MOV10: variants seen among roughly 807,000 people sequenced by gnomAD.
MOV10 encodes RNA helicase MOV-10.
Under a neutral mutation model 108.4 loss-of-function variants are expected in MOV10, and 39 were observed. That is an observed-to-expected ratio of 0.36 (90% CI 0.28 to 0.47). The LOEUF (loss-of-function observed/expected upper bound fraction) is 0.47. MOV10 is among the 20% of genes least tolerant of loss of function. MOV10 has a pLI of 1.00. For missense variants in MOV10, 952 were observed against 1,297.6 expected, an observed-to-expected ratio of 0.73 and a Z score of 4.09; for synonymous variants, 490 against 523.1, an observed-to-expected ratio of 0.94 and a Z score of 0.86.
chr1:112,683,950 T>A (rs1458213218), intron 2 of MOV10, among the ~76,000 whole-genome samples: 1 of 152,006 alleles, frequency 6.6e-6, no homozygotes, highest in Non-Finnish European at 1.5e-5. Flanking sequence ...AATTTAAATT[T>A]TATTTTATTT....
intron 14 of MOV10, 22 bp from the exon 15 acceptor site, chr1:112,697,972 T>C (rs372202157): frequency 1.3e-4 from 214 of 1,603,018 alleles, no homozygotes; most frequent in Non-Finnish European, 1.7e-4. Context: ...TTGGTCTTGC[T>C]TTTCCTCCTC....
At chr1:112,686,546 T>C (rs1196070229) in intron 2 of MOV10, among the ~76,000 whole-genome samples, 2 of 152,200 alleles carry the variant, frequency 1.3e-5, no homozygotes, top group Admixed American at 6.5e-5. Context: ...ACTTCCTTGA[T>C]TATAACCACT....
At chr1:112,690,159 C>T in intron 5 of MOV10, 61 bp downstream of exon 5, 1 of 1,576,086 alleles carries the variant, frequency 6.3e-7, no homozygotes. Context: ...TGGGCCAGGG[C>T]TTTGGGAAGA....
In MOV10 at chr1:112,698,078, A is replaced by T. The variant is rs780063037; in HGVS notation, c.2283A>T (p.Glu761Asp). 1 of 1,614,170 alleles carries T rather than the reference A, an allele frequency of 6.2e-7. No homozygotes were observed. Among genetic ancestry groups the T allele is most frequent in the Non-Finnish European group, 8.5e-7 (1 of 1,180,026 alleles). The part of the protein sequence containing the change: ...LQACADVVDR[E>D]RFCRWAGLPR... ...CCTGTGCTGATGTCGTGGATCGAGA[A>T]CGCTTCTGCCGCTGGGCGGGCCTAC... The change falls in exon 15 of 21, where the codon GAA (glutamate) becomes GAT (aspartate). Residue 761 changes from glutamate to aspartate, a missense_variant. Around this residue, in one of 5 missense-constraint regions of MOV10, gnomAD observed 453 missense variants for 611.5 expected, o/e 0.74. Coordinates refer to ENST00000369645, the MANE Select transcript of MOV10 (RefSeq NM_001321324.2).
In MOV10 at chr1:112,680,655, CAA is replaced by C. The variant is rs1229116415; in HGVS notation, c.137+5628_137+5629del. 2.1e-3 allele frequency among the ~76,000 whole-genome samples: 77 copies of C among 36,886 alleles called. No individual in the cohort carries two copies. In the South Asian group the frequency reaches 0.028, roughly 14 times the overall value. The allele number at this position is 36,886 out of a possible 152,430, so 24.2% of individuals were successfully genotyped here. ...TGGGCGACAGAGTGAGACTCCGTCT[CAA>C]AAAAAAAAAAAAAAAAAAAAACTTT... On this transcript the variant is annotated intron_variant, in intron 2 of 20. Coordinates refer to ENST00000369645, the MANE Select transcript of MOV10 (RefSeq NM_001321324.2).
chr1:112,699,593 C>G, intron 17 of MOV10, 92 bp from the exon 18 acceptor site: 2 of 1,584,162 alleles, frequency 1.3e-6, no homozygotes, highest in Non-Finnish European at 1.7e-6. Context: ...CCAGTGACCT[C>G]TCTGTACCCT....
At chr1:112,677,178 ATATTC>A (rs1557747437) in intron 2 of MOV10, among the ~76,000 whole-genome samples, 2 of 152,182 alleles carry the variant, frequency 1.3e-5, no homozygotes, top group African/African-American at 4.8e-5. Context: ...ATGTGGGTTC[ATATTC>A]TATCCTGAGA....
chr1:112,699,557 T>G (rs1674442023), intron 17 of MOV10, 128 bp from the exon 18 acceptor site: 1 of 1,520,070 alleles, frequency 6.6e-7, no homozygotes, highest in Admixed American at 2.2e-5. Context: ...GTCGCAGCAC[T>G]GGTTCACTCA....
intron 5 of MOV10, among the ~76,000 whole-genome samples, chr1:112,691,090 C>T (rs945575073): frequency 6.6e-6 from 1 of 151,650 alleles, no homozygotes; most frequent in Non-Finnish European, 1.5e-5. Flanking sequence ...ATCAGCCTGG[C>T]CAACATGGTG....
rs544329480 is a variant in MOV10 at position 112,700,397 on chromosome 1, G to T, written c.2921-19G>T. The T allele has an allele frequency of 1.2e-6, 2 of 1,613,804 alleles. No individual in the cohort carries two copies. The highest frequency in any genetic ancestry group is 1.7e-5 in the Admixed American group (1 of 60,016). ...GAGGAGGTGGTAAGGAAGACACAGTGTACTTTCTCTCTTTCCAGGGCCCCA... is the reference window on the plus strand; with the variant it reads ...GAGGAGGTGGTAAGGAAGACACAGTTTACTTTCTCTCTTTCCAGGGCCCCA... On this transcript the variant is annotated intron_variant, in intron 20 of 20. Transcript: ENST00000369645.
Position 112,689,055 on chromosome 1 carries a change from G to C in MOV10, c.258G>C (p.Arg86=), listed in dbSNP as rs1673323938. The C allele has an allele frequency of 6.2e-7, 1 of 1,612,478 alleles. No homozygotes were observed. The highest frequency in any genetic ancestry group is 1.3e-5 in the African/African-American group (1 of 74,860). The change falls in exon 3 of 21, where the codon CGG becomes CGC. Residue 86 remains arginine, a synonymous_variant. Coordinates refer to ENST00000369645, the MANE Select transcript of MOV10 (RefSeq NM_001321324.2). ...FFRLDRWADV[R]FPEKRRMKLG... ...GACTCGACCGCTGGGCCGACGTGCG[G>C]TTCCCAGAAAAGAGGAGAATGAAGC...
rs753613180 is a variant in MOV10 at position 112,688,890 on chromosome 1, G to A, written c.138-45G>A. The A allele has an allele frequency of 1.2e-4, 197 of 1,609,488 alleles. 2 individuals carry two copies. In the East Asian group the frequency reaches 4.0e-3, roughly 33 times the overall value. The stretch of plus-strand genomic sequence containing the variant: ...TCCCACCCGCCGCCCTGCCTCCCTC[G>A]AGCCCTGCCTTCCCTCACTTCCCAG... On this transcript the variant is annotated intron_variant, in intron 2 of 20. Coordinates refer to ENST00000369645, the MANE Select transcript of MOV10 (RefSeq NM_001321324.2).
rs1270173919 is a variant in MOV10, at chr1:112,696,825, C to T, written c.2177C>T (p.Thr726Ile). The change falls in exon 14 of 21, where the codon ACC becomes ATC. Residue 726 changes from threonine to isoleucine, a missense_variant. Thr to Ile is a moderately conservative substitution (Grantham distance 89, BLOSUM62 -1). Transcript: ENST00000369645. ...GPDGYDPQFI[T>I]KLLRNYRSHP... ...GATGGCTATGACCCCCAGTTCATAA[C>T]CAAGCTGCTCCGCAACTACAGGTAT... 2 of 1,599,010 alleles carry T rather than the reference C, an allele frequency of 1.3e-6. No homozygotes were observed. The highest frequency in any genetic ancestry group is 1.7e-6 in the Non-Finnish European group (2 of 1,171,800).
Position 112,675,449 on chromosome 1 carries a change from C to T in MOV10, c.137+400C>T, listed in dbSNP as rs185712666. The stretch of plus-strand genomic sequence containing the variant: ...CGCGGGAGCGCGGGTTAGAGGCTGC[C>T]TGTTGGGGGCTGCGAGCCCGAGCGC... On this transcript the variant is annotated intron_variant, in intron 2 of 20. Coordinates refer to ENST00000369645, the MANE Select transcript of MOV10 (RefSeq NM_001321324.2). The surrounding 1 kb of genome is among the most constrained non-coding windows in gnomAD (Gnocchi z 4.7). Among the ~76,000 whole-genome samples the T allele has an allele frequency of 3.3e-5, 5 of 152,344 alleles. No homozygotes were observed. In the East Asian group the frequency reaches 7.7e-4, roughly 24 times the overall value.
chr1:112,690,612 G>A (rs1242955767), intron 5 of MOV10, among the ~76,000 whole-genome samples: 3 of 151,884 alleles, frequency 2.0e-5, no homozygotes, highest in Non-Finnish European at 2.9e-5. Flanking sequence ...CGCCAGCCTC[G>A]GCCTCCCAAA....
At chr1:112,697,156 T>G (rs993978880) in intron 14 of MOV10, among the ~76,000 whole-genome samples, 8 of 151,882 alleles carry the variant, frequency 5.3e-5, no homozygotes, top group Non-Finnish European at 7.4e-5. Flanking sequence ...CAAGGAGAGA[T>G]AAGAAAAATA....
rs1003271649 is a variant in MOV10 at position 112,696,703 on chromosome 1, G to A, written c.2055G>A (p.Gly685=). 21 of 1,608,030 alleles carry A rather than the reference G, an allele frequency of 1.3e-5. No homozygotes were observed. Among genetic ancestry groups the A allele is most frequent in the Non-Finnish European group, 1.7e-5 (20 of 1,177,498 alleles). Residue 685 remains glycine (G), a synonymous_variant, in exon 14 of 21, where the codon GGG becomes GGA. Coordinates refer to ENST00000369645, the MANE Select transcript of MOV10 (RefSeq NM_001321324.2). ...TGGCAGGAGACCCTCGGCAGCTGGG[G>A]CCTGTGCTGCGTTCCCCACTGACCC... ...LVLAGDPRQL[G]PVLRSPLTQK...
Position 112,694,673 on chromosome 1 carries a change from G to T in MOV10, c.1472+44G>T, listed in dbSNP as rs1466057333. On this transcript the variant is annotated intron_variant, in intron 9 of 20. Transcript: ENST00000369645. The surrounding 1 kb of genome is among the most constrained non-coding windows in gnomAD (Gnocchi z 4.1). ...AGCTTCTGGAGCCACTTGGAGTGTGGGCACAGGGGGTGGAGTCAGGGAGGC... is the reference window on the plus strand; with the variant it reads ...AGCTTCTGGAGCCACTTGGAGTGTGTGCACAGGGGGTGGAGTCAGGGAGGC... The T allele has an allele frequency of 1.3e-6, 2 of 1,592,352 alleles. No individual in the cohort carries two copies. Among genetic ancestry groups the T allele is most frequent in the Non-Finnish European group, 1.7e-6 (2 of 1,167,116 alleles).
intron 2 of MOV10, among the ~76,000 whole-genome samples, chr1:112,682,318 G>C (rs1397873825): frequency 6.6e-6 from 1 of 152,150 alleles, no homozygotes; most frequent in African/African-American, 2.4e-5. Context: ...CAACCTCCCA[G>C]ACTCAGGCTA....
Sources: allele counts gnomAD v4.1 joint callset (sites outside exome capture counted in the v4.1 genomes callset), GRCh38; gene constraint gnomAD v4.1.1; regional missense constraint gnomAD v4.1.1; non-coding constraint Gnocchi (gnomAD v3.1); transcripts MANE v1.5; gene names NCBI Gene and HGNC (gene_info 2026-07-23, HGNC 2026-07-21).